The following SEMA5A variants were observed in gnomAD, a reference collection of about 807,000 sequenced individuals.
SEMA5A encodes the protein semaphorin 5A.
In SEMA5A, 55 loss-of-function variants were observed where a neutral mutation model predicts 135.5. That is an observed-to-expected ratio of 0.41 (90% CI 0.33 to 0.51). The LOEUF is 0.51. SEMA5A is among the 20% of genes least tolerant of loss of function. SEMA5A has a pLI of 0.37. For missense variants in SEMA5A, 1,290 were observed against 1,419.9 expected (o/e 0.91, Z 1.47); for synonymous variants, 580 against 546.5 (o/e 1.06, Z -0.85).
intron 16 of SEMA5A, among the ~76,000 whole-genome samples, chr5:9,075,237 TG>T (rs1308516876): frequency 2.0e-5 from 3 of 152,220 alleles, no homozygotes; most frequent in Non-Finnish European, 2.9e-5. Context: ...GCATTGTAAA[TG>T]GCACAAGCCA....
At chr5:9,373,452 C>A (rs1755227104) in intron 3 of SEMA5A, among the ~76,000 whole-genome samples, 1 of 152,164 alleles carries the variant, frequency 6.6e-6, no homozygotes, top group Non-Finnish European at 1.5e-5. Flanking sequence ...ATGGCCCAAG[C>A]TGGAGCAGTC....
At chr5:9,299,376 G>T (rs1751496980) in intron 5 of SEMA5A, among the ~76,000 whole-genome samples, 1 of 152,222 alleles carries the variant, frequency 6.6e-6, no homozygotes. Flanking sequence ...GAAATAGCAA[G>T]TGGAGATGGG....
At chr5:9,468,629 C>G (rs1015548635) in intron 1 of SEMA5A, among the ~76,000 whole-genome samples, 1 of 34,662 alleles carries the variant, frequency 2.9e-5, no homozygotes, top group African/African-American at 1.2e-4. Context: ...TTCAGGCTGT[C>G]TATATTTCTT....
chr5:9,428,040 T>C (rs190091209), intron 2 of SEMA5A, among the ~76,000 whole-genome samples: 2 of 151,560 alleles, frequency 1.3e-5, no homozygotes, highest in East Asian at 3.9e-4. Flanking sequence ...TTTATTCAAC[T>C]CTATCTACAT....
At chr5:9,416,537 C>G (rs1390686004) in intron 2 of SEMA5A, among the ~76,000 whole-genome samples, 1 of 152,174 alleles carries the variant, frequency 6.6e-6, no homozygotes, top group East Asian at 1.9e-4. Context: ...CACCTGCAAA[C>G]TGGGTACAAG....
At chr5:9,185,772 T>C (rs1744769495) in intron 11 of SEMA5A, among the ~76,000 whole-genome samples, 3 of 152,198 alleles carry the variant, frequency 2.0e-5, no homozygotes, top group Admixed American at 2.0e-4. Flanking sequence ...AAAATAAAAA[T>C]GATATATCTC....
intron 1 of SEMA5A, among the ~76,000 whole-genome samples, chr5:9,479,806 C>T (rs964527096): frequency 5.3e-5 from 8 of 152,164 alleles, no homozygotes; most frequent in African/African-American, 1.4e-4. Context: ...CGGAGATGGC[C>T]ACTCCCTCAC....
At chr5:9,324,620 C>G (rs1377866320) in intron 4 of SEMA5A, among the ~76,000 whole-genome samples, 1 of 152,136 alleles carries the variant, frequency 6.6e-6, no homozygotes, top group Non-Finnish European at 1.5e-5. Flanking sequence ...GGTCAATGAC[C>G]TACAAAGTTA....
chr5:9,384,853 A>T (rs1196435503), intron 2 of SEMA5A, among the ~76,000 whole-genome samples: 1 of 152,138 alleles, frequency 6.6e-6, no homozygotes, highest in Non-Finnish European at 1.5e-5. Context: ...TATATAAAAC[A>T]CCAAACTAAA....
chr5:9,087,543 T>C (rs551255391), intron 16 of SEMA5A, among the ~76,000 whole-genome samples: 6 of 151,238 alleles, frequency 4.0e-5, no homozygotes, highest in East Asian at 3.9e-4. Context: ...TTTATTATAT[T>C]TATTTATTTT....
At chr5:9,396,239 C>T (rs543022072) in intron 2 of SEMA5A, among the ~76,000 whole-genome samples, 36 of 125,166 alleles carry the variant, frequency 2.9e-4, no homozygotes, top group South Asian at 5.8e-4. Context: ...ATTTAATGCG[C>T]GTGCGTGCAC....
rs1735879814 is a variant in SEMA5A at position 9,040,100 on chromosome 5, T to C, written c.*2797A>G. ...TCATTTTACATCAGGTGCAGAAAGG[T>C]GTAGCTTAAAACTATGTGTTGGTTT... On this transcript the variant is annotated 3_prime_UTR_variant, in exon 23 of 23. Transcript: ENST00000382496. 6.6e-6 allele frequency: 1 copy of C among 152,114 alleles called. No individual in the cohort carries two copies. The highest frequency in any genetic ancestry group is 2.1e-4 in the South Asian group (1 of 4,826). The allele number at this position is 152,114 out of a possible 1,614,324, so 9.4% of individuals were successfully genotyped here.
intron 3 of SEMA5A, among the ~76,000 whole-genome samples, chr5:9,372,465 A>C (rs1755179087): frequency 6.6e-6 from 1 of 152,112 alleles, no homozygotes; most frequent in South Asian, 2.1e-4. Context: ...TGGGACATAC[A>C]TACATGGAGT....
At chr5:9,271,150 A>G (rs932424541) in intron 5 of SEMA5A, among the ~76,000 whole-genome samples, 3 of 151,942 alleles carry the variant, frequency 2.0e-5, no homozygotes, top group Admixed American at 2.0e-4. Flanking sequence ...ATGAGATCTG[A>G]TGGTTTAAAA....
At chr5:9,221,217 C>T (rs1746935068) in intron 8 of SEMA5A, among the ~76,000 whole-genome samples, 1 of 151,678 alleles carries the variant, frequency 6.6e-6, no homozygotes, top group Non-Finnish European at 1.5e-5. Flanking sequence ...TTGGACACGG[C>T]AGAACTAAGG....
intron 1 of SEMA5A, among the ~76,000 whole-genome samples, chr5:9,487,379 T>C (rs1734787024): frequency 6.6e-6 from 1 of 152,164 alleles, no homozygotes; most frequent in Non-Finnish European, 1.5e-5. Flanking sequence ...GTTAAAACCT[T>C]GGCCAAAGGT....
intron 1 of SEMA5A, among the ~76,000 whole-genome samples, chr5:9,490,586 G>A (rs1373780150): frequency 6.6e-6 from 1 of 152,164 alleles, no homozygotes; most frequent in Non-Finnish European, 1.5e-5. Context: ...GCAATATCCA[G>A]TTGCTGTACT....
At chr5:9,420,945 G>C (rs115196967) in intron 2 of SEMA5A, among the ~76,000 whole-genome samples, 4,261 of 152,354 alleles carry the variant, frequency 0.028, 87 homozygotes, top group Middle Eastern at 0.075. Context: ...GAACCCCGGA[G>C]GGGTAGGTTA....
At chr5:9,113,756 G>T (rs1382462890) in intron 15 of SEMA5A, among the ~76,000 whole-genome samples, 2 of 152,104 alleles carry the variant, frequency 1.3e-5, no homozygotes, top group African/African-American at 4.8e-5. Flanking sequence ...TGAGATACCA[G>T]TTCATACCTA....
Sources: allele counts gnomAD v4.1 joint callset (sites outside exome capture counted in the v4.1 genomes callset), GRCh38; gene constraint gnomAD v4.1.1; transcripts MANE v1.5; gene names NCBI Gene and HGNC (gene_info 2026-07-23, HGNC 2026-07-21).